PDGFD: variants seen among roughly 807,000 people sequenced by gnomAD.
PDGFD encodes the protein platelet derived growth factor D.
PDGFD carries 30 observed loss-of-function variants against 44.7 expected under a neutral mutation model. The observed-to-expected ratio is 0.67, with a 90% confidence interval of 0.50 to 0.91. PDGFD has a LOEUF of 0.91. PDGFD is among the 40% of genes least tolerant of loss of function. The pLI is 0.00. For missense variants in PDGFD, 445 were observed against 457.8 expected, an observed-to-expected ratio of 0.97 and a Z score of 0.25; for synonymous variants, 173 against 168.4, an observed-to-expected ratio of 1.03 and a Z score of -0.21.
At chr11:104,074,406 T>A (rs560932572) in intron 1 of PDGFD, among the ~76,000 whole-genome samples, 1 of 152,226 alleles carries the variant, frequency 6.6e-6, no homozygotes, top group Non-Finnish European at 1.5e-5. Flanking sequence ...AGTTGGAACA[T>A]CTTAAATGTT....
At chr11:103,950,775 C>T (rs1210820765) in intron 3 of PDGFD, among the ~76,000 whole-genome samples, 1 of 151,960 alleles carries the variant, frequency 6.6e-6, no homozygotes, top group African/African-American at 2.4e-5. Context: ...AAACAGTTTC[C>T]AAAAGGGGAA....
chr11:104,083,385 A>G (rs190075692), intron 1 of PDGFD, among the ~76,000 whole-genome samples: 1 of 152,280 alleles, frequency 6.6e-6, no homozygotes, highest in Admixed American at 6.5e-5. Flanking sequence ...AAACATTTAA[A>G]ACTCTGTGAA....
chr11:104,122,888 A>T (rs918441949), intron 1 of PDGFD, among the ~76,000 whole-genome samples: 16 of 151,998 alleles, frequency 1.1e-4, no homozygotes, highest in Non-Finnish European at 2.2e-4. Flanking sequence ...ATAGAAAGAA[A>T]TTTTATATCA....
At chr11:104,137,912 T>C (rs935731068) in intron 1 of PDGFD, among the ~76,000 whole-genome samples, 3 of 151,946 alleles carry the variant, frequency 2.0e-5, no homozygotes, top group Non-Finnish European at 4.4e-5. Context: ...CACACCCTTA[T>C]ATGTAATGCA....
At chr11:104,011,648 C>T (rs906245393) in intron 1 of PDGFD, among the ~76,000 whole-genome samples, 1 of 152,018 alleles carries the variant, frequency 6.6e-6, no homozygotes, top group Non-Finnish European at 1.5e-5. Flanking sequence ...CTGATTTCAA[C>T]TTCAAATATT....
chr11:104,155,939 G>A (rs1258288620), intron 1 of PDGFD, among the ~76,000 whole-genome samples: 1 of 152,072 alleles, frequency 6.6e-6, no homozygotes, highest in East Asian at 1.9e-4. Flanking sequence ...GTCCAAAGAA[G>A]GCATGCTACA....
chr11:103,936,805 C>A (rs773561858), intron 5 of PDGFD, among the ~76,000 whole-genome samples: 12 of 150,290 alleles, frequency 8.0e-5, no homozygotes, highest in Admixed American at 2.0e-4. Context: ...TATTAAAATA[C>A]TGTTTTTTTG....
intron 4 of PDGFD, among the ~76,000 whole-genome samples, 153 bp downstream of exon 4, chr11:103,947,509 A>G (rs1259345655): frequency 2.6e-5 from 4 of 152,194 alleles, no homozygotes; most frequent in Non-Finnish European, 4.4e-5. Context: ...GACATAATCC[A>G]TTGTAACCTG....
At chr11:104,040,710 G>A (rs1445114312) in intron 1 of PDGFD, among the ~76,000 whole-genome samples, 2 of 124,194 alleles carry the variant, frequency 1.6e-5, no homozygotes, top group Non-Finnish European at 3.8e-5. Flanking sequence ...AAAGTTCAGT[G>A]ATTTTAAATT....
At chr11:104,111,046 G>T (rs1405449565) in intron 1 of PDGFD, among the ~76,000 whole-genome samples, 1 of 151,926 alleles carries the variant, frequency 6.6e-6, no homozygotes, top group East Asian at 1.9e-4. Context: ...TCTGACAGTG[G>T]TTATTATGTA....
At chr11:103,935,558 G>A (rs1243309848) in intron 5 of PDGFD, among the ~76,000 whole-genome samples, 1 of 152,154 alleles carries the variant, frequency 6.6e-6, no homozygotes, top group Non-Finnish European at 1.5e-5. Flanking sequence ...AGTACTTGGA[G>A]ATAATTTTGA....
intron 1 of PDGFD, among the ~76,000 whole-genome samples, chr11:104,063,218 C>T (rs1450021030): frequency 6.6e-6 from 1 of 151,404 alleles, no homozygotes; most frequent in African/African-American, 2.4e-5. Context: ...CAATACATAC[C>T]AATATCATCA....
chr11:104,047,246 G>T (rs1245040000), intron 1 of PDGFD, among the ~76,000 whole-genome samples: 7 of 147,358 alleles, frequency 4.8e-5, no homozygotes, highest in Non-Finnish European at 7.6e-5. Flanking sequence ...AATTCTTTGG[G>T]TATATACCCA....
chr11:104,074,446 G>C (rs1860925252), intron 1 of PDGFD, among the ~76,000 whole-genome samples: 1 of 152,096 alleles, frequency 6.6e-6, no homozygotes, highest in Non-Finnish European at 1.5e-5. Context: ...AAAATGTTGT[G>C]CTATTTCCAA....
At chr11:103,917,238 C>T (rs953050514) in intron 6 of PDGFD, among the ~76,000 whole-genome samples, 32 of 152,010 alleles carry the variant, frequency 2.1e-4, no homozygotes, top group African/African-American at 7.7e-4. Flanking sequence ...TATATTAATA[C>T]CTGTGTATCA....
At position 103,909,593 on chromosome 11, in the gene PDGFD, G is replaced by T; in HGVS notation, c.*101C>A. 7.0e-7 allele frequency: 1 copy of T among 1,437,598 alleles called. No individual in the cohort carries two copies. 89.1% of individuals were successfully genotyped at this position (1,437,598 alleles called of 1,614,324 possible). A position where few individuals can be genotyped will look rare whatever the true frequency, so the allele number is the denominator to read the frequency against. The stretch of plus-strand genomic sequence containing the variant: ...ACCACTTGTGTTCATTGCATTGCAG[G>T]CTAGTAGTAAGTTTGGTTGCTGGTA... On this transcript the variant is annotated 3_prime_UTR_variant, in exon 7 of 7. Transcript: ENST00000393158.
At chr11:104,087,195 A>ATT (rs33989914) in intron 1 of PDGFD, among the ~76,000 whole-genome samples, 78,198 of 129,094 alleles carry the variant, frequency 0.61, 24,580 homozygotes, top group East Asian at 0.79. Flanking sequence ...CAACTGGCTA[A>ATT]TTTTTTTTTT....
At chr11:103,997,642 A>G (rs1157249157) in intron 2 of PDGFD, among the ~76,000 whole-genome samples, 10 of 152,350 alleles carry the variant, frequency 6.6e-5, no homozygotes, top group Admixed American at 4.6e-4. Context: ...ACAAAATATT[A>G]CAATGTAAAC....
chr11:103,997,892 C>A (rs1032165577), intron 2 of PDGFD, among the ~76,000 whole-genome samples: 2 of 152,012 alleles, frequency 1.3e-5, no homozygotes, highest in Admixed American at 1.3e-4. Flanking sequence ...GTCTCTTTCC[C>A]GTCTTTCTCT....
Sources: allele counts gnomAD v4.1 joint callset (sites outside exome capture counted in the v4.1 genomes callset), GRCh38; gene constraint gnomAD v4.1.1; transcripts MANE v1.5; gene names NCBI Gene and HGNC (gene_info 2026-07-23, HGNC 2026-07-21).